NSMCE2: variants seen among roughly 807,000 people sequenced by gnomAD.
NSMCE2 encodes the protein E3 SUMO-protein ligase NSE2.
A neutral mutation model predicts 23.8 loss-of-function variants in NSMCE2; 24 were observed. That is an observed-to-expected ratio of 1.01 (90% CI 0.73 to 1.42). The LOEUF is 1.42. Ranked by LOEUF, NSMCE2 falls within the 40% of genes most tolerant of loss-of-function variation. The pLI is 0.00. For missense variants in NSMCE2, 284 were observed against 296.5 expected (o/e 0.96, Z 0.31); for synonymous variants, 92 against 94.1 (o/e 0.98, Z 0.13).
At chr8:125,284,773 T>C (rs1827829629) in intron 5 of NSMCE2, among the ~76,000 whole-genome samples, 1 of 152,208 alleles carries the variant, frequency 6.6e-6, no homozygotes, top group Admixed American at 6.5e-5. Context: ...CAACAATTTT[T>C]GTTTTGTGAA....
intron 5 of NSMCE2, among the ~76,000 whole-genome samples, chr8:125,329,213 C>T (rs1829785458): frequency 6.6e-6 from 1 of 152,206 alleles, no homozygotes; most frequent in South Asian, 2.1e-4. Flanking sequence ...TCCTTCCTTA[C>T]CAGGTTATCT....
chr8:125,162,034 G>A (rs1161154521), intron 4 of NSMCE2, among the ~76,000 whole-genome samples: 1 of 152,088 alleles, frequency 6.6e-6, no homozygotes, highest in Non-Finnish European at 1.5e-5. Context: ...TCACCCTGAG[G>A]TTTATTTTAG....
chr8:125,258,382 T>C (rs1042370363), intron 5 of NSMCE2, among the ~76,000 whole-genome samples: 1 of 152,172 alleles, frequency 6.6e-6, no homozygotes, highest in Admixed American at 6.5e-5. Context: ...TTGGAGATTA[T>C]GGTCTTATAC....
At chr8:125,170,415 T>TTTTTTTA (rs1199459816) in intron 4 of NSMCE2, among the ~76,000 whole-genome samples, 37 of 93,198 alleles carry the variant, frequency 4.0e-4, no homozygotes, top group East Asian at 6.5e-4. Flanking sequence ...TTTTTTTTTT[T>TTTTTTTA]AAGACAGAGT....
intron 5 of NSMCE2, among the ~76,000 whole-genome samples, chr8:125,216,634 CA>C (rs35656783): frequency 0.23 from 29,899 of 130,380 alleles, 3,015 homozygotes; most frequent in African/African-American, 0.24. Context: ...GGCTGTGTGT[CA>C]AAAAAAAAAA....
chr8:125,269,839 A>G (rs1827101418), intron 5 of NSMCE2, among the ~76,000 whole-genome samples: 1 of 152,246 alleles, frequency 6.6e-6, no homozygotes, highest in South Asian at 2.1e-4. Flanking sequence ...CCTTTTACCA[A>G]GCTGAGAGTG....
At chr8:125,212,760 C>T (rs1824399876) in intron 5 of NSMCE2, among the ~76,000 whole-genome samples, 2 of 152,100 alleles carry the variant, frequency 1.3e-5, no homozygotes, top group East Asian at 1.9e-4. Context: ...TACAGTTGCA[C>T]AGTTTGTTAT....
intron 5 of NSMCE2, among the ~76,000 whole-genome samples, chr8:125,227,568 ATTG>A (rs58851842): frequency 0.13 from 20,509 of 152,088 alleles, 2,236 homozygotes; most frequent in African/African-American, 0.3. Context: ...CATCATCTTA[ATTG>A]CAAATGTATT....
intron 3 of NSMCE2, among the ~76,000 whole-genome samples, chr8:125,104,115 G>A (rs565383846): frequency 4.0e-5 from 6 of 151,584 alleles, no homozygotes; most frequent in Non-Finnish European, 7.4e-5. Context: ...CTCAGCCTTC[G>A]GAGTAGCTGG....
At chr8:125,304,887 A>T (rs1467521384) in intron 5 of NSMCE2, among the ~76,000 whole-genome samples, 2 of 151,522 alleles carry the variant, frequency 1.3e-5, no homozygotes, top group African/African-American at 2.4e-5. Context: ...GACTCTGAAA[A>T]AAAAAAAAGA....
intron 3 of NSMCE2, among the ~76,000 whole-genome samples, chr8:125,122,172 C>CA (rs796879544): frequency 0.13 from 5,621 of 44,262 alleles, 123 homozygotes; most frequent in Middle Eastern, 0.16. Context: ...CTGGCTGAGC[C>CA]AAAAAAAAAA....
rs150028775 is a variant in NSMCE2, at chr8:125,311,026, T to C, written c.419-46193T>C. 1.9e-3 allele frequency among the ~76,000 whole-genome samples: 292 copies of C among 152,326 alleles called. 1 individual carries two copies. Among genetic ancestry groups the C allele is most frequent in the African/African-American group, 6.9e-3 (287 of 41,576 alleles). ...GATAATTACTCCAACTGAAACCGAA[T>C]TGATTTTTATCAGATAAATTGGGGG... On this transcript the variant is annotated intron_variant, in intron 5 of 7. Transcript: ENST00000287437.
intron 5 of NSMCE2, among the ~76,000 whole-genome samples, chr8:125,191,517 G>A (rs1823342347): frequency 6.6e-6 from 1 of 152,190 alleles, no homozygotes; most frequent in African/African-American, 2.4e-5. Flanking sequence ...GGAGGAATCT[G>A]CTTCATCTAG....
At chr8:125,308,452 C>T (rs1369383607) in intron 5 of NSMCE2, among the ~76,000 whole-genome samples, 1 of 152,136 alleles carries the variant, frequency 6.6e-6, no homozygotes, top group African/African-American at 2.4e-5. Context: ...TAGCATTTTA[C>T]GCTGTTCTGG....
intron 3 of NSMCE2, among the ~76,000 whole-genome samples, chr8:125,150,123 A>C (rs1820915949): frequency 6.6e-6 from 1 of 152,050 alleles, no homozygotes; most frequent in South Asian, 2.1e-4. Context: ...TCTGAAAACA[A>C]GTTTGTTTTC....
rs117639622 is a variant in NSMCE2 at position 125,110,413 on chromosome 8, T to C, written c.157+7926T>C. 9.4e-3 allele frequency among the ~76,000 whole-genome samples: 1,431 copies of C among 152,338 alleles called. 11 individuals carry two copies. Among genetic ancestry groups the C allele is most frequent in the Middle Eastern group, 0.02 (6 of 294 alleles). On this transcript the variant is annotated intron_variant, in intron 3 of 7. Coordinates refer to ENST00000287437, the MANE Select transcript of NSMCE2 (RefSeq NM_173685.4). ...GGTCAGGCAGTTAATTGGGTATTTG[T>C]TGAGCTATGCTAAAGTATGGTGATG...
intron 4 of NSMCE2, among the ~76,000 whole-genome samples, chr8:125,167,398 G>A (rs576289132): frequency 6.6e-6 from 1 of 152,176 alleles, no homozygotes; most frequent in Admixed American, 6.5e-5. Flanking sequence ...CCGGCATGGT[G>A]GTTTATGCCT....
At chr8:125,227,672 A>T (rs993941917) in intron 5 of NSMCE2, among the ~76,000 whole-genome samples, 1 of 152,196 alleles carries the variant, frequency 6.6e-6, no homozygotes, top group African/African-American at 2.4e-5. Flanking sequence ...GAATTCCTTT[A>T]TATTCAATCT....
intron 3 of NSMCE2, among the ~76,000 whole-genome samples, chr8:125,109,047 G>A (rs569424828): frequency 1.2e-4 from 18 of 152,338 alleles, no homozygotes; most frequent in African/African-American, 3.8e-4. Flanking sequence ...GATTATGTCA[G>A]TAGCTCAAGT....
Sources: allele counts gnomAD v4.1 joint callset (sites outside exome capture counted in the v4.1 genomes callset), GRCh38; gene constraint gnomAD v4.1.1; transcripts MANE v1.5; gene names NCBI Gene and HGNC (gene_info 2026-07-23, HGNC 2026-07-21).